Variants in OSBPL8 observed in about 807,000 individuals in gnomAD.
OSBPL8 encodes the protein oxysterol binding protein like 8, also known as oxysterol-binding protein-related protein 8.
OSBPL8 carries 59 observed loss-of-function variants against 125.5 expected under a neutral mutation model. The observed-to-expected ratio is 0.47, with a 90% confidence interval of 0.38 to 0.58. OSBPL8 has a LOEUF of 0.58. Among genes scored for constraint, OSBPL8 ranks in the 20% least tolerant of loss-of-function variants. The pLI, the probability that OSBPL8 is intolerant of heterozygous loss-of-function variation, is 0.00. For synonymous variants in OSBPL8, 330 were observed against 338.9 expected, an observed-to-expected ratio of 0.97 and a Z score of 0.29; for missense variants, 758 against 1,047.8, an observed-to-expected ratio of 0.72 and a Z score of 3.82.
chr12:76,549,018 T>C (rs1950863446), intron 1 of OSBPL8, among the ~76,000 whole-genome samples: 1 of 151,332 alleles, frequency 6.6e-6, no homozygotes, highest in Non-Finnish European at 1.5e-5. Flanking sequence ...CAATACAACA[T>C]AGTGTAAAAA....
chr12:76,400,006 A>C (rs770541315), intron 6 of OSBPL8, 32 bp from the exon 7 acceptor site: 14 of 1,514,726 alleles, frequency 9.2e-6, no homozygotes, highest in Non-Finnish European at 1.2e-5. Flanking sequence ...AAAGATAAAA[A>C]CTCAACAGAA....
intron 1 of OSBPL8, among the ~76,000 whole-genome samples, chr12:76,547,095 G>A (rs1950802530): frequency 6.6e-6 from 1 of 152,146 alleles, no homozygotes; most frequent in Admixed American, 6.6e-5. Context: ...CTGACTGCAG[G>A]AGAATTACGA....
chr12:76,396,684 G>T lies in OSBPL8; in HGVS notation c.672+1010C>A, dbSNP rs532056272. Among the ~76,000 whole-genome samples, 451 of 152,250 alleles carry T rather than the reference G, an allele frequency of 3.0e-3. 4 individuals carry two copies. The highest frequency in any genetic ancestry group is 0.011 in the African/African-American group (439 of 41,556). ...TGGGAGAACTGCTTAAGCACGGGAG[G>T]TTGAGGCTGCAGTGAGCAATGATCA... On this transcript the variant is annotated intron_variant, in intron 8 of 23. Transcript: ENST00000261183.
In OSBPL8 at chr12:76,526,168, CAT is replaced by C. The variant is rs373104073; in HGVS notation, c.-68+33227_-68+33228del. Among the ~76,000 whole-genome samples the C allele has an allele frequency of 4.2e-4, 64 of 152,282 alleles. 1 individual carries two copies. The East Asian group carries it at 0.012, about 28-fold the overall frequency. On this transcript the variant is annotated intron_variant, in intron 1 of 23. Transcript: ENST00000261183. ...CACAGAACCTTGAAACAAATTTCTA[CAT>C]AGAGTATTACATGTCGTCTTATGAC...
At chr12:76,449,733 T>C (rs1040573599) in intron 4 of OSBPL8, among the ~76,000 whole-genome samples, 4 of 152,192 alleles carry the variant, frequency 2.6e-5, no homozygotes, top group African/African-American at 9.6e-5. Context: ...GTGTCAACAC[T>C]TGGAAGATCT....
chr12:76,524,237 T>A (rs1299727348), intron 1 of OSBPL8, among the ~76,000 whole-genome samples: 3 of 152,140 alleles, frequency 2.0e-5, no homozygotes, highest in South Asian at 4.1e-4. Context: ...AATTAAAAAC[T>A]GTCTATGAAA....
intron 2 of OSBPL8, among the ~76,000 whole-genome samples, chr12:76,462,936 T>A (rs1874922724): frequency 6.6e-6 from 1 of 152,080 alleles, no homozygotes; most frequent in Non-Finnish European, 1.5e-5. Context: ...TAGTAGGAGA[T>A]GAGGTCAGAG....
chr12:76,539,540 G>C (rs1950587534), intron 1 of OSBPL8, among the ~76,000 whole-genome samples: 3 of 152,118 alleles, frequency 2.0e-5, no homozygotes, highest in Admixed American at 2.0e-4. Context: ...GACACTGAAA[G>C]CAAGAAAACA....
intron 23 of OSBPL8, among the ~76,000 whole-genome samples, chr12:76,356,346 C>T (rs1951986020): frequency 6.6e-6 from 1 of 152,084 alleles, no homozygotes; most frequent in Non-Finnish European, 1.5e-5. Flanking sequence ...ATCCCACCTC[C>T]ACATGCAACC....
intron 1 of OSBPL8, among the ~76,000 whole-genome samples, chr12:76,517,314 A>G (rs1476461021): frequency 6.6e-6 from 1 of 152,182 alleles, no homozygotes; most frequent in Non-Finnish European, 1.5e-5. Context: ...AAACTCCAAA[A>G]AATTTCAGAC....
intron 5 of OSBPL8, among the ~76,000 whole-genome samples, chr12:76,408,872 G>C (rs1240997004): frequency 6.6e-6 from 1 of 152,076 alleles, no homozygotes; most frequent in Non-Finnish European, 1.5e-5. Context: ...GGTACACATA[G>C]ATGGCAAATA....
At chr12:76,516,610 C>T (rs2137229891) in intron 1 of OSBPL8, among the ~76,000 whole-genome samples, 1 of 152,122 alleles carries the variant, frequency 6.6e-6, no homozygotes, top group African/African-American at 2.4e-5. Context: ...TAATAAATGT[C>T]AAAGAACACT....
At chr12:76,451,017 T>C in intron 3 of OSBPL8, 29 bp from the exon 4 acceptor site, 1 of 1,602,062 alleles carries the variant, frequency 6.2e-7, no homozygotes, top group Non-Finnish European at 8.5e-7. Flanking sequence ...AAATAATTAG[T>C]ACTGAAGTCA....
intron 4 of OSBPL8, among the ~76,000 whole-genome samples, chr12:76,449,718 T>C (rs944902454): frequency 6.6e-6 from 1 of 152,220 alleles, no homozygotes; most frequent in Admixed American, 6.5e-5. Context: ...ACTATATTTT[T>C]TAATGTGTCA....
chr12:76,494,097 T>C (rs1879018725), intron 1 of OSBPL8, among the ~76,000 whole-genome samples: 1 of 152,222 alleles, frequency 6.6e-6, no homozygotes, highest in Non-Finnish European at 1.5e-5. Flanking sequence ...TGAGCTTCCT[T>C]AAAATAATTA....
intron 4 of OSBPL8, among the ~76,000 whole-genome samples, chr12:76,433,453 T>C (rs1378577732): frequency 6.6e-6 from 1 of 151,572 alleles, no homozygotes; most frequent in African/African-American, 2.4e-5. Flanking sequence ...ACAATCCCAG[T>C]TACAATAGCA....
intron 9 of OSBPL8, 89 bp downstream of exon 9, chr12:76,394,556 A>T: frequency 3.2e-6 from 3 of 928,508 alleles, no homozygotes; most frequent in Non-Finnish European, 4.9e-6. Context: ...CCATACTAAA[A>T]ATATATTTCC....
chr12:76,548,956 C>T (rs1950861471), intron 1 of OSBPL8, among the ~76,000 whole-genome samples: 1 of 151,996 alleles, frequency 6.6e-6, no homozygotes, highest in Admixed American at 6.6e-5. Context: ...CACAAGGAGA[C>T]ACAAGGTATC....
intron 1 of OSBPL8, among the ~76,000 whole-genome samples, chr12:76,489,058 G>C (rs185379344): frequency 6.6e-6 from 1 of 152,120 alleles, no homozygotes; most frequent in Non-Finnish European, 1.5e-5. Context: ...AGAAGATCAG[G>C]CTAATTATAT....
Sources: gnomAD v4.1 joint callset for allele counts (sites outside exome capture counted in the v4.1 genomes callset) on GRCh38, gnomAD v4.1.1 for gene constraint, MANE v1.5 for transcripts, NCBI Gene and HGNC (gene_info 2026-07-23, HGNC 2026-07-21) for gene names.